PCP4L1: variants seen among roughly 807,000 people sequenced by gnomAD.
The protein encoded by PCP4L1 is Purkinje cell protein 4 like 1, also known as Purkinje cell protein 4-like protein 1.
A neutral mutation model predicts 9.6 loss-of-function variants in PCP4L1; 9 were observed. That is an observed-to-expected ratio of 0.94 (90% CI 0.57 to 1.64). PCP4L1 has a LOEUF of 1.64. Among genes scored for constraint, PCP4L1 ranks in the 40% most tolerant of loss-of-function variants. The pLI is 0.00. For missense variants in PCP4L1, 81 were observed against 80.8 expected (o/e 1.00, Z -0.01); for synonymous variants, 31 against 28.2 (o/e 1.10, Z -0.31).
rs1483193410 is a variant in PCP4L1 at position 161,283,717 on chromosome 1, A to G, written c.59A>G (p.Glu20Gly). Reference protein sequence around the residue: ...PATNQAAGQEEKGKAGNVKKA... With the variant: ...PATNQAAGQEGKGKAGNVKKA... The stretch of plus-strand genomic sequence containing the variant: ...ACCAACCAGGCAGCTGGCCAAGAGG[A>G]AAAAGGTGAGTGGGGTTGGGCTAGG... The change falls in exon 2 of 3, where the codon GAA (glutamate) becomes GGA (glycine). Residue 20 changes from glutamate (E) to glycine (G), a missense_variant. Glu to Gly is a moderately conservative substitution (Grantham distance 98). Coordinates refer to ENST00000504449, the MANE Select transcript of PCP4L1 (RefSeq NM_001102566.2). 1.2e-6 allele frequency: 2 copies of G among 1,605,066 alleles called. No individual in the cohort carries two copies. The highest frequency in any genetic ancestry group is 1.1e-5 in the South Asian group (1 of 89,322).
intron 1 of PCP4L1, among the ~76,000 whole-genome samples, chr1:161,272,663 T>A (rs1571796542): frequency 1.3e-5 from 2 of 151,978 alleles, no homozygotes; most frequent in South Asian, 4.1e-4. Flanking sequence ...AAATTCAGGT[T>A]GAGGGAGGCT....
At chr1:161,265,584 G>A (rs1172365356) in intron 1 of PCP4L1, among the ~76,000 whole-genome samples, 1 of 152,026 alleles carries the variant, frequency 6.6e-6, no homozygotes. Context: ...GGCTGGCAAG[G>A]TAAGTGATGA....
At chr1:161,265,450 G>C (rs1454011846) in intron 1 of PCP4L1, among the ~76,000 whole-genome samples, 1 of 152,108 alleles carries the variant, frequency 6.6e-6, no homozygotes, top group Non-Finnish European at 1.5e-5. Flanking sequence ...CTTGAGTCCA[G>C]GAGATCAAGC....
chr1:161,282,269 A>G (rs1357741306), intron 1 of PCP4L1, among the ~76,000 whole-genome samples: 1 of 152,196 alleles, frequency 6.6e-6, no homozygotes, highest in Non-Finnish European at 1.5e-5. Flanking sequence ...CGCCTGCAAT[A>G]GCAGGCACTC....
chr1:161,279,569 A>G (rs1414384366), intron 1 of PCP4L1, among the ~76,000 whole-genome samples: 1 of 152,252 alleles, frequency 6.6e-6, no homozygotes. Context: ...TCTGGCAGTC[A>G]TTCAACAGAG....
Position 161,284,365 on chromosome 1 carries a change from G to C in PCP4L1, c.91G>C (p.Glu31Gln). The C allele has an allele frequency of 6.2e-7, 1 of 1,609,560 alleles. No individual in the cohort carries two copies. The highest frequency in any genetic ancestry group is 8.5e-7 in the Non-Finnish European group (1 of 1,176,790). The change falls in exon 3 of 3, where the codon GAG becomes CAG. Residue 31 changes from glutamate to glutamine, a missense_variant. Coordinates refer to ENST00000504449, the MANE Select transcript of PCP4L1 (RefSeq NM_001102566.2). ...KGKAGNVKKA[E>Q]EEEEIDIDLT... ...AAAAGCTGGCAATGTCAAGAAGGCG[G>C]AGGAGGAGGAGGAGATTGACATTGA...
intron 1 of PCP4L1, among the ~76,000 whole-genome samples, chr1:161,283,024 G>T (rs753437726): frequency 1.3e-5 from 2 of 152,062 alleles, no homozygotes; most frequent in Non-Finnish European, 1.5e-5. Flanking sequence ...CTCACTTGTA[G>T]TAACAGTCAA....
Position 161,258,828 on chromosome 1 carries a change from C to A in PCP4L1, c.-147C>A, listed in dbSNP as rs1198230696. On this transcript the variant is annotated 5_prime_UTR_variant, in exon 1 of 3. Coordinates refer to ENST00000504449, the MANE Select transcript of PCP4L1 (RefSeq NM_001102566.2). ...ATCCCGGGTGCCAGCACCAGAGCAG[C>A]GGCTCTCCGCACTAACTCTCCTCTC... The A allele has an allele frequency of 2.4e-6, 3 of 1,249,642 alleles. No homozygotes were observed. In the East Asian group the frequency reaches 7.8e-5, roughly 32 times the overall value. The allele number at this position is 1,249,642 out of a possible 1,614,324, so 77.4% of individuals were successfully genotyped here. A position where few individuals can be genotyped will look rare whatever the true frequency, so the allele number is the denominator to read the frequency against.
chr1:161,267,759 G>A (rs1669554317), intron 1 of PCP4L1, among the ~76,000 whole-genome samples: 1 of 152,156 alleles, frequency 6.6e-6, no homozygotes, highest in African/African-American at 2.4e-5. Flanking sequence ...CTAGGCTGGA[G>A]TGGAGTGCAG....
chr1:161,274,557 G>C (rs1669670825), intron 1 of PCP4L1, among the ~76,000 whole-genome samples: 1 of 152,156 alleles, frequency 6.6e-6, no homozygotes, highest in African/African-American at 2.4e-5. Flanking sequence ...TGCCTCCTTT[G>C]TTTATGTGAA....
chr1:161,276,514 C>T (rs116549279), intron 1 of PCP4L1, among the ~76,000 whole-genome samples: 1 of 151,944 alleles, frequency 6.6e-6, no homozygotes, highest in Non-Finnish European at 1.5e-5. Flanking sequence ...AAGACCCAGT[C>T]TCTACAAAAA....
At chr1:161,275,385 G>C (rs539207656) in intron 1 of PCP4L1, among the ~76,000 whole-genome samples, 1 of 151,720 alleles carries the variant, frequency 6.6e-6, no homozygotes, top group Non-Finnish European at 1.5e-5. Flanking sequence ...GTGTGGTGGC[G>C]GGCGCCTGTA....
intron 1 of PCP4L1, among the ~76,000 whole-genome samples, chr1:161,264,942 A>C (rs1669504847): frequency 6.6e-6 from 1 of 152,222 alleles, no homozygotes. Flanking sequence ...ATTCTGGTAG[A>C]ATACTAGTCA....
chr1:161,258,758 A>C lies in PCP4L1; in HGVS notation c.-217A>C. 1.4e-6 allele frequency: 1 copy of C among 695,736 alleles called. No individual in the cohort carries two copies. Among genetic ancestry groups the C allele is most frequent in the Non-Finnish European group, 2.4e-6 (1 of 414,106 alleles). 43.1% of individuals were successfully genotyped at this position (695,736 alleles called of 1,614,324 possible). A position where few individuals can be genotyped will look rare whatever the true frequency, so the allele number is the denominator to read the frequency against. Reference sequence around the variant, plus strand: ...AGGCGGCGAGCTGAGCGGCTCTGACAGGACGGGTCGCAGGGGGTCGCCTGG... The same window carrying C: ...AGGCGGCGAGCTGAGCGGCTCTGACCGGACGGGTCGCAGGGGGTCGCCTGG... On this transcript the variant is annotated 5_prime_UTR_variant, in exon 1 of 3. Transcript: ENST00000504449.
intron 1 of PCP4L1, among the ~76,000 whole-genome samples, chr1:161,282,372 G>A (rs1050790243): frequency 6.7e-6 from 1 of 149,942 alleles, no homozygotes; most frequent in Non-Finnish European, 1.5e-5. Context: ...CAGAGGGAGA[G>A]CGTGGAAAGA....
intron 1 of PCP4L1, among the ~76,000 whole-genome samples, chr1:161,266,177 A>C (rs1245645382): frequency 6.6e-6 from 1 of 152,126 alleles, no homozygotes; most frequent in African/African-American, 2.4e-5. Context: ...AGCCATGCCC[A>C]GTACCCCACC....
intron 1 of PCP4L1, among the ~76,000 whole-genome samples, chr1:161,263,176 A>C (rs1259576817): frequency 6.6e-6 from 1 of 152,156 alleles, no homozygotes; most frequent in Non-Finnish European, 1.5e-5. Flanking sequence ...CCAAAAGAAC[A>C]TTCCACAAGA....
At position 161,258,962 on chromosome 1, in the gene PCP4L1, T is replaced by A; in HGVS notation, c.-13T>A. Reference sequence around the variant, plus strand: ...TGCGTGCAGCGCCTCGCGCGCCCTGTCCGGCTGCGGAGATGAGCGAGGTGA... The same window carrying A: ...TGCGTGCAGCGCCTCGCGCGCCCTGACCGGCTGCGGAGATGAGCGAGGTGA... On this transcript the variant is annotated 5_prime_UTR_variant, in exon 1 of 3. Transcript: ENST00000504449. 2 of 1,534,420 alleles carry A rather than the reference T, an allele frequency of 1.3e-6. No individual in the cohort carries two copies. Among genetic ancestry groups the A allele is most frequent in the African/African-American group, 2.7e-5 (2 of 73,000 alleles).
intron 1 of PCP4L1, among the ~76,000 whole-genome samples, chr1:161,269,423 A>G (rs1475122213): frequency 2.0e-5 from 3 of 152,218 alleles, no homozygotes; most frequent in Non-Finnish European, 4.4e-5. Context: ...TGAACTGGCT[A>G]CAGAATGGAG....
Sources: gnomAD v4.1 joint callset for allele counts (sites outside exome capture counted in the v4.1 genomes callset) on GRCh38, gnomAD v4.1.1 for gene constraint, MANE v1.5 for transcripts, NCBI Gene and HGNC (gene_info 2026-07-23, HGNC 2026-07-21) for gene names.